Variants in RAPH1 observed in about 807,000 individuals in gnomAD.
RAPH1 encodes Ras association (RalGDS/AF-6) and pleckstrin homology domains 1, also known as ras-associated and pleckstrin homology domains-containing protein 1.
Under a neutral mutation model 88.1 loss-of-function variants are expected in RAPH1, and 18 were observed. That is an observed-to-expected ratio of 0.20 (90% CI 0.14 to 0.30). The LOEUF (loss-of-function observed/expected upper bound fraction) is 0.30, where lower values mean the gene tolerates loss of function less well. Among genes scored for constraint, RAPH1 ranks in the 10% least tolerant of loss-of-function variants. The probability of loss-of-function intolerance (pLI) is 1.00; values close to 1 mark genes in which losing one functional copy is unlikely to be tolerated. For synonymous variants in RAPH1, 587 were observed against 559.0 expected, an observed-to-expected ratio of 1.05 and a Z score of -0.71; for missense variants, 1,448 against 1,543.2, an observed-to-expected ratio of 0.94 and a Z score of 1.03.
intron 1 of RAPH1, among the ~76,000 whole-genome samples, chr2:203,498,496 G>A (rs1688609753): frequency 6.6e-6 from 1 of 152,178 alleles, no homozygotes; most frequent in Admixed American, 6.6e-5. Flanking sequence ...TATAAATGAG[G>A]AAAGCTAATC....
At chr2:203,451,319 T>C (rs1487124298) in intron 10 of RAPH1, among the ~76,000 whole-genome samples, 1 of 152,172 alleles carries the variant, frequency 6.6e-6, no homozygotes, top group Non-Finnish European at 1.5e-5. Flanking sequence ...ATTATCTCCA[T>C]GTTCCAAGAA....
At chr2:203,485,499 A>T (rs1016628232) in intron 4 of RAPH1, among the ~76,000 whole-genome samples, 2 of 152,084 alleles carry the variant, frequency 1.3e-5, no homozygotes, top group Non-Finnish European at 2.9e-5. Flanking sequence ...ATTCATGGAC[A>T]GTCTTCCTGG....
chr2:203,434,762 T>C lies in RAPH1; in HGVS notation c.*4675A>G, dbSNP rs1216251067. On this transcript the variant is annotated 3_prime_UTR_variant, in exon 14 of 14. Transcript: ENST00000319170. The stretch of plus-strand genomic sequence containing the variant: ...TGAGCTTGGTATTAGTAGCCATCCA[T>C]GATAAACATAATTAATTCTCAACTT... 1 of 152,370 alleles carries C rather than the reference T, an allele frequency of 6.6e-6. No individual in the cohort carries two copies. The highest frequency in any genetic ancestry group is 1.5e-5 in the Non-Finnish European group (1 of 68,026). 9.4% of individuals were successfully genotyped at this position (152,370 alleles called of 1,614,324 possible).
chr2:203,503,135 C>T (rs1294912265), intron 1 of RAPH1, among the ~76,000 whole-genome samples: 1 of 152,124 alleles, frequency 6.6e-6, no homozygotes, highest in Non-Finnish European at 1.5e-5. Context: ...CAGAGCGAGA[C>T]TCTGTCTCAA....
chr2:203,462,831 T>C (rs2098525244), intron 4 of RAPH1, among the ~76,000 whole-genome samples: 1 of 152,230 alleles, frequency 6.6e-6, no homozygotes, highest in Non-Finnish European at 1.5e-5. Context: ...AAAACTTGTA[T>C]AAGTAAACTT....
intron 1 of RAPH1, among the ~76,000 whole-genome samples, chr2:203,497,990 G>T (rs1446783099): frequency 6.6e-6 from 1 of 152,160 alleles, no homozygotes; most frequent in Non-Finnish European, 1.5e-5. Context: ...CTCAGGAGCA[G>T]TAATAGCCAG....
At chr2:203,503,330 G>T (rs948907702) in intron 1 of RAPH1, among the ~76,000 whole-genome samples, 1 of 152,166 alleles carries the variant, frequency 6.6e-6, no homozygotes, top group Non-Finnish European at 1.5e-5. Flanking sequence ...CAGAGACTGG[G>T]AAGAAAGAGG....
chr2:203,478,895 C>T (rs981086910), intron 4 of RAPH1, among the ~76,000 whole-genome samples: 1 of 152,234 alleles, frequency 6.6e-6, no homozygotes, highest in Non-Finnish European at 1.5e-5. Flanking sequence ...GGCCTGCATG[C>T]CACATGCTTG....
chr2:203,530,062 T>C (rs1437428217), intron 1 of RAPH1, among the ~76,000 whole-genome samples: 2 of 152,224 alleles, frequency 1.3e-5, no homozygotes, highest in African/African-American at 4.8e-5. Context: ...AAAAACAGTA[T>C]GCATTTTATT....
chr2:203,455,014 A>G (rs537338947), intron 9 of RAPH1, among the ~76,000 whole-genome samples: 8 of 152,280 alleles, frequency 5.3e-5, no homozygotes, highest in Non-Finnish European at 8.8e-5. Context: ...TAATACTGTA[A>G]AAAAGTTTAA....
chr2:203,506,846 C>CTATATATATATATATATATA (rs1277788456), intron 1 of RAPH1, among the ~76,000 whole-genome samples: 2 of 66,480 alleles, frequency 3.0e-5, no homozygotes, highest in African/African-American at 1.1e-4. Context: ...ATCTATATAT[C>CTATATATATATATATATATA]TATCTATATC....
chr2:203,475,548 A>T (rs1020675879), intron 4 of RAPH1, among the ~76,000 whole-genome samples: 4 of 152,216 alleles, frequency 2.6e-5, no homozygotes, highest in Non-Finnish European at 5.9e-5. Context: ...AAATAATCTT[A>T]TCTCATTTGC....
chr2:203,456,947 T>C (rs1217985206), intron 8 of RAPH1, among the ~76,000 whole-genome samples: 1 of 152,112 alleles, frequency 6.6e-6, no homozygotes, highest in African/African-American at 2.4e-5. Flanking sequence ...ACATCCTTCA[T>C]TGACCAGCCA....
rs1559441678 is a variant in RAPH1, at chr2:203,441,037, G to C, written c.2153C>G (p.Pro718Arg). 2 of 1,501,580 alleles carry C rather than the reference G, an allele frequency of 1.3e-6. No homozygotes were observed. Among genetic ancestry groups the C allele is most frequent in the Admixed American group, 1.7e-5 (1 of 58,122 alleles). The allele number at this position is 1,501,580 out of a possible 1,614,324, so 93.0% of individuals were successfully genotyped here. A position where few individuals can be genotyped will look rare whatever the true frequency, so the allele number is the denominator to read the frequency against. ...GGCCATGGCAGAGCCTGGGGTTGGG[G>C]GTGGAGGAGGGGGAGGGGGTGGTGG... is the stretch of plus-strand genomic sequence containing the variant. ...VVPPPPPPPPPPTPGSAMAQL... is the reference protein window; with the variant it reads ...VVPPPPPPPPRPTPGSAMAQL... The change falls in exon 14 of 14, where the codon CCC (proline) becomes CGC (arginine). Residue 718 changes from proline (P) to arginine (R), a missense_variant. Physicochemically the swap from Pro to Arg is moderately radical, Grantham distance 103. This residue lies in a region of RAPH1 where 935 missense variants were observed against 890.1 expected (regional missense o/e 1.05). Coordinates refer to ENST00000319170, the MANE Select transcript of RAPH1 (RefSeq NM_213589.3).
intron 4 of RAPH1, among the ~76,000 whole-genome samples, chr2:203,464,038 G>T (rs2098526432): frequency 6.6e-6 from 1 of 152,142 alleles, no homozygotes. Flanking sequence ...CAAATTTAGG[G>T]GAAGAGAAAG....
chr2:203,513,722 C>A (rs1415695166), intron 1 of RAPH1, among the ~76,000 whole-genome samples: 1 of 148,758 alleles, frequency 6.7e-6, no homozygotes, highest in Non-Finnish European at 1.5e-5. Flanking sequence ...ATAATACCAG[C>A]TACTCGGGAG....
chr2:203,511,825 G>C (rs113877337), intron 1 of RAPH1, among the ~76,000 whole-genome samples: 2 of 152,226 alleles, frequency 1.3e-5, no homozygotes, highest in African/African-American at 4.8e-5. Flanking sequence ...GAGACTTTAA[G>C]AATCGGCCAG....
At chr2:203,483,246 G>A (rs1687810273) in intron 4 of RAPH1, among the ~76,000 whole-genome samples, 1 of 152,184 alleles carries the variant, frequency 6.6e-6, no homozygotes, top group Non-Finnish European at 1.5e-5. Context: ...ACTGTTAAGG[G>A]AGAAAGGTGA....
intron 1 of RAPH1, among the ~76,000 whole-genome samples, chr2:203,515,999 T>C (rs1581397648): frequency 2.0e-5 from 3 of 152,298 alleles, no homozygotes; most frequent in East Asian, 1.9e-4. Flanking sequence ...CTAAAGATAA[T>C]AGTTTGTTCA....
Sources: gnomAD v4.1 joint callset for allele counts (sites outside exome capture counted in the v4.1 genomes callset) on GRCh38, gnomAD v4.1.1 for gene constraint, gnomAD v4.1.1 regional missense constraint, MANE v1.5 for transcripts, NCBI Gene and HGNC (gene_info 2026-07-23, HGNC 2026-07-21) for gene names.